The following TBX15 variants were observed in gnomAD, a reference collection of about 807,000 sequenced individuals.
TBX15 encodes the protein T-box transcription factor 15, also known as T-box transcription factor TBX15.
A neutral mutation model predicts 53.9 loss-of-function variants in TBX15; 18 were observed. That is an observed-to-expected ratio of 0.33 (90% CI 0.23 to 0.49). The LOEUF (loss-of-function observed/expected upper bound fraction) is 0.49, where lower values mean the gene tolerates loss of function less well. Among genes scored for constraint, TBX15 ranks in the 20% least tolerant of loss-of-function variants. The pLI is 0.98. For synonymous variants in TBX15, 295 were observed against 278.0 expected (o/e 1.06, Z -0.61); for missense variants, 692 against 749.5 (o/e 0.92, Z 0.90).
chr1:118,987,442 C>T (rs1294984884), intron 1 of TBX15, 149 bp downstream of exon 1: 1 of 1,032,488 alleles, frequency 9.7e-7, no homozygotes, highest in Non-Finnish European at 1.4e-6. Context: ...TTTAGGGAGG[C>T]TCAGGGCATT....
intron 7 of TBX15, chr1:118,890,806 T>C (rs1306537745): frequency 1.8e-6 from 2 of 1,103,854 alleles, no homozygotes; most frequent in Non-Finnish European, 1.2e-6. Context: ...CCCCCAAAAT[T>C]GAAAAACAGT....
chr1:118,944,613 C>T (rs1419289), intron 1 of TBX15, among the ~76,000 whole-genome samples: 81,697 of 152,006 alleles, frequency 0.54, 22,184 homozygotes, highest in East Asian at 0.59. Flanking sequence ...GTGGCAGTGT[C>T]GCCGAGACAG....
intron 5 of TBX15, among the ~76,000 whole-genome samples, chr1:118,921,884 T>C (rs1655435847): frequency 6.6e-6 from 1 of 152,202 alleles, no homozygotes; most frequent in South Asian, 2.1e-4. Context: ...TAGAATGTTA[T>C]GAAGAATAAA....
At chr1:118,903,066 G>A (rs1170311051) in intron 6 of TBX15, among the ~76,000 whole-genome samples, 2 of 152,108 alleles carry the variant, frequency 1.3e-5, no homozygotes, top group Non-Finnish European at 2.9e-5. Context: ...AAGTTGGCAA[G>A]TGTCCCCCTC....
chr1:118,969,171 G>A (rs572755577), intron 1 of TBX15, among the ~76,000 whole-genome samples: 2 of 152,256 alleles, frequency 1.3e-5, no homozygotes, highest in African/African-American at 4.8e-5. Flanking sequence ...GAGCTCAAAG[G>A]ATAGACCTCT....
In TBX15 at chr1:118,886,034, A is replaced by T. The variant is rs72705323; in HGVS notation, c.1025-518T>A. Among the ~76,000 whole-genome samples, 324 of 152,262 alleles carry T rather than the reference A, an allele frequency of 2.1e-3. 1 individual carries two copies. The highest frequency in any genetic ancestry group is 3.2e-3 in the Non-Finnish European group (215 of 68,024). Reference sequence around the variant, plus strand: ...CACCAACGCGGGACCCTAATCACAGAGGAAATGGGGTAATGGAAGACAGTG... The same window carrying T: ...CACCAACGCGGGACCCTAATCACAGTGGAAATGGGGTAATGGAAGACAGTG... On this transcript the variant is annotated intron_variant, in intron 7 of 7. Transcript: ENST00000369429.
intron 5 of TBX15, among the ~76,000 whole-genome samples, chr1:118,914,473 A>T (rs1034535531): frequency 1.3e-5 from 2 of 152,238 alleles, no homozygotes; most frequent in Non-Finnish European, 2.9e-5. Flanking sequence ...TTGCCTAGAC[A>T]GATATTGAAA....
intron 7 of TBX15, 117 bp from the exon 8 acceptor site, chr1:118,885,633 C>G (rs1043299173): frequency 7.7e-7 from 1 of 1,299,252 alleles, no homozygotes; most frequent in African/African-American, 1.5e-5. Context: ...CTGATTTTTA[C>G]AGAACCATTT....
intron 1 of TBX15, among the ~76,000 whole-genome samples, chr1:118,978,930 C>T (rs1657530883): frequency 1.3e-5 from 2 of 152,198 alleles, no homozygotes; most frequent in African/African-American, 2.4e-5. Flanking sequence ...CTCTTGTTGG[C>T]TCAAATGTTT....
intron 7 of TBX15, among the ~76,000 whole-genome samples, chr1:118,887,443 G>A (rs1234449199): frequency 6.6e-6 from 1 of 152,198 alleles, no homozygotes; most frequent in East Asian, 1.9e-4. Flanking sequence ...GGGAGGCCAA[G>A]GCAGGTGGAT....
intron 2 of TBX15, among the ~76,000 whole-genome samples, chr1:118,929,254 G>A (rs1461594249): frequency 6.6e-6 from 1 of 152,160 alleles, no homozygotes; most frequent in African/African-American, 2.4e-5. Flanking sequence ...GGGTGTGGAA[G>A]GAGGTAGATG....
In TBX15 at chr1:118,905,717, A is replaced by G. The variant is rs1419287; in HGVS notation, c.927-6592T>C. ...TTGGGGGGCTGGTAAGAGTGCCAGGAAAGAGTAGAAAGAGATTGGCTGGAC... is the reference window on the plus strand; with the variant it reads ...TTGGGGGGCTGGTAAGAGTGCCAGGGAAGAGTAGAAAGAGATTGGCTGGAC... On this transcript the variant is annotated intron_variant, in intron 6 of 7. Transcript: ENST00000369429. Among the ~76,000 whole-genome samples the G allele has an allele frequency of 7.9e-3, 1,203 of 152,332 alleles. 17 individuals carry two copies. Among genetic ancestry groups the G allele is most frequent in the African/African-American group, 0.027 (1,138 of 41,578 alleles).
chr1:118,956,275 A>G (rs1439972072), intron 1 of TBX15, among the ~76,000 whole-genome samples: 4 of 152,102 alleles, frequency 2.6e-5, no homozygotes, highest in Non-Finnish European at 5.9e-5. Context: ...TAGATTAGGA[A>G]AAAAAAATAC....
rs12022752 is a variant in TBX15, at chr1:118,966,600, A to G, written c.205+20991T>C. ...CCCAGGGTAAGGAAATGAGGTACGG[A>G]AAGGAGGAGAGTATACTGAGGAAAG... On this transcript the variant is annotated intron_variant, in intron 1 of 7. Transcript: ENST00000369429. 4.0e-3 allele frequency among the ~76,000 whole-genome samples: 606 copies of G among 152,288 alleles called. 33 individuals carry two copies. In the East Asian group the frequency reaches 0.1, roughly 26 times the overall value.
At chr1:118,956,813 A>G (rs1185635089) in intron 1 of TBX15, among the ~76,000 whole-genome samples, 1 of 151,778 alleles carries the variant, frequency 6.6e-6, no homozygotes, top group Non-Finnish European at 1.5e-5. Flanking sequence ...TTAGCCGGAA[A>G]TTAGCCAGGC....
chr1:118,906,612 C>A (rs186839850), intron 6 of TBX15, among the ~76,000 whole-genome samples: 6 of 152,268 alleles, frequency 3.9e-5, no homozygotes, highest in Admixed American at 3.3e-4. Context: ...TGGGAAAGTT[C>A]TTTACTCCCA....
chr1:118,909,876 C>T (rs996162231), intron 6 of TBX15, among the ~76,000 whole-genome samples: 4 of 152,186 alleles, frequency 2.6e-5, no homozygotes, highest in African/African-American at 9.6e-5. Context: ...CCACCGCACC[C>T]TGCCAGATGT....
At chr1:118,942,717 G>C (rs1656221398) in intron 1 of TBX15, among the ~76,000 whole-genome samples, 1 of 152,166 alleles carries the variant, frequency 6.6e-6, no homozygotes, top group African/African-American at 2.4e-5. Flanking sequence ...AGTCACTTCT[G>C]TGAGAAGCAG....
chr1:118,938,235 A>G (rs1656028697), intron 1 of TBX15, among the ~76,000 whole-genome samples: 1 of 152,148 alleles, frequency 6.6e-6, no homozygotes, highest in Non-Finnish European at 1.5e-5. Context: ...TAGTAATGGA[A>G]TGGTGTCTCT....
Sources: allele counts gnomAD v4.1 joint callset (sites outside exome capture counted in the v4.1 genomes callset), GRCh38; gene constraint gnomAD v4.1.1; transcripts MANE v1.5; gene names NCBI Gene and HGNC (gene_info 2026-07-23, HGNC 2026-07-21).